GALNT7: variants seen among roughly 807,000 people sequenced by gnomAD.
GALNT7 encodes N-acetylgalactosaminyltransferase 7.
In GALNT7, 60 loss-of-function variants were observed where a neutral mutation model predicts 82.1. That is an observed-to-expected ratio of 0.73 (90% CI 0.59 to 0.91). GALNT7 has a LOEUF of 0.91. GALNT7 is among the 40% of genes least tolerant of loss of function. The pLI, the probability that GALNT7 is intolerant of heterozygous loss-of-function variation, is 0.00. For missense variants in GALNT7, 660 were observed against 804.2 expected, an observed-to-expected ratio of 0.82 and a Z score of 2.17; for synonymous variants, 243 against 275.1, an observed-to-expected ratio of 0.88 and a Z score of 1.15.
chr4:173,271,722 G>T lies in GALNT7; in HGVS notation c.588-20386G>T, dbSNP rs552335563. 1.2e-4 allele frequency among the ~76,000 whole-genome samples: 18 copies of T among 152,218 alleles called. No homozygotes were observed. In the South Asian group the frequency reaches 3.7e-3, roughly 32 times the overall value. ...TCCACCCACCTCAACCTCCCAAAAT[G>T]CTAGGATTATAGATGTGAGCCACTG... On this transcript the variant is annotated intron_variant, in intron 2 of 11. Transcript: ENST00000265000.
chr4:173,319,528 A>C (rs958818639), intron 11 of GALNT7, among the ~76,000 whole-genome samples: 13 of 134,764 alleles, frequency 9.6e-5, no homozygotes, highest in Non-Finnish European at 1.4e-4. Context: ...TATTTTCACA[A>C]AAAAAAAGGA....
intron 1 of GALNT7, among the ~76,000 whole-genome samples, chr4:173,183,684 C>T (rs6828934): frequency 0.06 from 9,106 of 152,032 alleles, 766 homozygotes; most frequent in African/African-American, 0.18. Flanking sequence ...CCAGACGGGG[C>T]GGCCGGGCAG....
intron 8 of GALNT7, among the ~76,000 whole-genome samples, chr4:173,307,959 T>C (rs1737221682): frequency 6.6e-6 from 1 of 152,232 alleles, no homozygotes; most frequent in South Asian, 2.1e-4. Context: ...CAGTGGCAAG[T>C]GATGCCAGTG....
intron 1 of GALNT7, among the ~76,000 whole-genome samples, chr4:173,212,310 TAA>T (rs1026663192): frequency 1.4e-4 from 21 of 152,294 alleles, no homozygotes; most frequent in African/African-American, 4.8e-4. Context: ...AAAATCAACT[TAA>T]GTCTACAAAA....
At chr4:173,294,419 G>T (rs1031972690) in intron 3 of GALNT7, among the ~76,000 whole-genome samples, 1 of 151,858 alleles carries the variant, frequency 6.6e-6, no homozygotes, top group Admixed American at 6.6e-5. Flanking sequence ...AGATACCCAC[G>T]TGTATCTTAC....
chr4:173,227,564 C>T (rs192287730), intron 1 of GALNT7, among the ~76,000 whole-genome samples: 2 of 152,270 alleles, frequency 1.3e-5, no homozygotes, highest in Non-Finnish European at 1.5e-5. Context: ...ATCTCCTGAC[C>T]TCATGATCCA....
intron 1 of GALNT7, among the ~76,000 whole-genome samples, chr4:173,215,354 C>G (rs921069977): frequency 2.0e-5 from 3 of 151,896 alleles, no homozygotes; most frequent in Non-Finnish European, 2.9e-5. Context: ...CCTCTACCTT[C>G]CAAGTAGCAG....
chr4:173,227,146 C>G (rs2083590953), intron 1 of GALNT7, among the ~76,000 whole-genome samples: 1 of 152,108 alleles, frequency 6.6e-6, no homozygotes, highest in East Asian at 1.9e-4. Flanking sequence ...CCATGTATAT[C>G]TACCACTTTG....
intron 1 of GALNT7, among the ~76,000 whole-genome samples, chr4:173,235,558 T>TTTC (rs1734194833): frequency 6.8e-6 from 1 of 148,012 alleles, no homozygotes; most frequent in African/African-American, 2.5e-5. Flanking sequence ...TTTCTTTTCT[T>TTTC]TTTTTTTTTT....
rs112501169 is a variant in GALNT7, at chr4:173,320,568, T to C, written c.1837-1012T>C. Among the ~76,000 whole-genome samples the C allele has an allele frequency of 6.6e-6, 1 of 152,234 alleles. No homozygotes were observed. Among genetic ancestry groups the C allele is most frequent in the Non-Finnish European group, 1.5e-5 (1 of 68,010 alleles). On this transcript the variant is annotated intron_variant, in intron 11 of 11. Transcript: ENST00000265000. The surrounding 1 kb of genome is among the most constrained non-coding windows in gnomAD (Gnocchi z 4.1). ...GAAATGTTGTTTTCGTTCAAGTATA[T>C]GAGGGAAACCCAGCCCCACACAAGC... is the stretch of plus-strand genomic sequence containing the variant.
chr4:173,282,131 C>T (rs570590465), intron 2 of GALNT7, among the ~76,000 whole-genome samples: 19 of 152,288 alleles, frequency 1.2e-4, no homozygotes, highest in African/African-American at 4.6e-4. Flanking sequence ...AGTAACTTCT[C>T]CTATCAGTAA....
intron 1 of GALNT7, among the ~76,000 whole-genome samples, chr4:173,173,411 C>T (rs1402217592): frequency 6.6e-6 from 1 of 152,030 alleles, no homozygotes. Flanking sequence ...TACAGTTGAC[C>T]CATAAGCCTC....
At chr4:173,202,918 CT>C in intron 1 of GALNT7, among the ~76,000 whole-genome samples, 1 of 152,062 alleles carries the variant, frequency 6.6e-6, no homozygotes, top group South Asian at 2.1e-4. Flanking sequence ...ATATAATGAC[CT>C]TCTTTATCTC....
chr4:173,169,925 C>T (rs886134133), intron 1 of GALNT7, among the ~76,000 whole-genome samples: 1 of 152,078 alleles, frequency 6.6e-6, no homozygotes, highest in Non-Finnish European at 1.5e-5. Context: ...GCGGAGCTCG[C>T]GGCGGCTCCG....
At chr4:173,272,712 TA>T (rs1735772603) in intron 2 of GALNT7, among the ~76,000 whole-genome samples, 1 of 152,248 alleles carries the variant, frequency 6.6e-6, no homozygotes, top group Admixed American at 6.5e-5. Flanking sequence ...ACAACGTTTT[TA>T]AACATCTCAT....
At chr4:173,214,205 T>C (rs755595894) in intron 1 of GALNT7, among the ~76,000 whole-genome samples, 6 of 152,104 alleles carry the variant, frequency 3.9e-5, no homozygotes, top group Non-Finnish European at 8.8e-5. Flanking sequence ...TTCTTTAATC[T>C]TGATGTTTTT....
intron 2 of GALNT7, among the ~76,000 whole-genome samples, chr4:173,290,508 G>A (rs1315191392): frequency 6.6e-6 from 1 of 152,072 alleles, no homozygotes. Flanking sequence ...CATCTATTAG[G>A]GGATATCTCT....
chr4:173,311,251 A>G (rs563059456), intron 8 of GALNT7, among the ~76,000 whole-genome samples: 39 of 152,328 alleles, frequency 2.6e-4, no homozygotes, highest in African/African-American at 8.9e-4. Context: ...TTTTGTTGCC[A>G]TAATCTTACA....
intron 2 of GALNT7, among the ~76,000 whole-genome samples, chr4:173,261,845 A>G (rs1239827189): frequency 6.6e-6 from 1 of 152,120 alleles, no homozygotes; most frequent in African/African-American, 2.4e-5. Flanking sequence ...ATAAAAAATA[A>G]TAGATAGCTG....
Sources: gnomAD v4.1 joint callset for allele counts (sites outside exome capture counted in the v4.1 genomes callset) on GRCh38, gnomAD v4.1.1 for gene constraint, Gnocchi (gnomAD v3.1) non-coding constraint, MANE v1.5 for transcripts, NCBI Gene and HGNC (gene_info 2026-07-23, HGNC 2026-07-21) for gene names.